Variants in PAG1 observed in about 807,000 individuals in gnomAD.
PAG1 encodes phosphoprotein membrane anchor with glycosphingolipid microdomains 1, also known as phosphoprotein associated with glycosphingolipid-enriched microdomains 1.
Under a neutral mutation model 31.7 loss-of-function variants are expected in PAG1, and 23 were observed. The ratio of observed to expected loss-of-function variants is 0.73; its 90% CI spans 0.52 to 1.03. The LOEUF (loss-of-function observed/expected upper bound fraction) is 1.03. PAG1 is among the 50% of genes least tolerant of loss of function. The probability of loss-of-function intolerance (pLI) is 0.00; values close to 1 mark genes in which losing one functional copy is unlikely to be tolerated. For missense variants in PAG1, 473 were observed against 540.7 expected, an observed-to-expected ratio of 0.87 and a Z score of 1.24; for synonymous variants, 214 against 210.3, an observed-to-expected ratio of 1.02 and a Z score of -0.15.
intron 1 of PAG1, among the ~76,000 whole-genome samples, chr8:81,075,261 T>C (rs1391949972): frequency 3.3e-5 from 5 of 152,248 alleles, no homozygotes; most frequent in African/African-American, 1.2e-4. Context: ...TTTTGTATCT[T>C]CTAGTATGAG....
chr8:81,010,067 T>C (rs1172523931), intron 3 of PAG1, among the ~76,000 whole-genome samples: 1 of 152,230 alleles, frequency 6.6e-6, no homozygotes, highest in Non-Finnish European at 1.5e-5. Flanking sequence ...AGACTATTCA[T>C]TCATATTTCT....
intron 3 of PAG1, among the ~76,000 whole-genome samples, chr8:81,004,539 T>C (rs1807842491): frequency 6.6e-6 from 1 of 152,182 alleles, no homozygotes; most frequent in Non-Finnish European, 1.5e-5. Context: ...CACTATAAAC[T>C]TTGCAAGAGG....
At chr8:81,043,269 A>G (rs1808585838) in intron 2 of PAG1, among the ~76,000 whole-genome samples, 1 of 152,196 alleles carries the variant, frequency 6.6e-6, no homozygotes, top group Non-Finnish European at 1.5e-5. Flanking sequence ...ATGCTTACTG[A>G]AAAAGTTCAC....
chr8:81,066,714 A>G lies in PAG1; in HGVS notation c.-175+3398T>C, dbSNP rs1586199293. Among the ~76,000 whole-genome samples the G allele has an allele frequency of 3.9e-5, 6 of 152,334 alleles. No individual in the cohort carries two copies. The Middle Eastern group carries it at 0.02, about 518-fold the overall frequency. ...TTTCCTCTTAAAAGTAGCTTAGTTG[A>G]TATTTCAAAAGAGGAAAGAGAAAGG... On this transcript the variant is annotated intron_variant, in intron 2 of 8. Transcript: ENST00000220597.
chr8:81,034,764 A>G (rs1452844620), intron 2 of PAG1, among the ~76,000 whole-genome samples: 3 of 152,204 alleles, frequency 2.0e-5, no homozygotes, highest in Non-Finnish European at 4.4e-5. Context: ...ACTGGAAGAC[A>G]CCTATTTAAA....
At chr8:81,022,683 T>G (rs1808210519) in intron 3 of PAG1, among the ~76,000 whole-genome samples, 1 of 152,174 alleles carries the variant, frequency 6.6e-6, no homozygotes, top group African/African-American at 2.4e-5. Flanking sequence ...TCTATGTATA[T>G]CTTCAATAAA....
At chr8:80,980,613 C>T (rs1312538786) in intron 7 of PAG1, 119 bp from the exon 8 acceptor site, 35 of 662,920 alleles carry the variant, frequency 5.3e-5, no homozygotes, top group East Asian at 3.1e-4. Context: ...TATGGAACCA[C>T]GAAGAAATTA....
At chr8:81,057,920 A>T (rs1808854474) in intron 2 of PAG1, among the ~76,000 whole-genome samples, 1 of 152,210 alleles carries the variant, frequency 6.6e-6, no homozygotes, top group African/African-American at 2.4e-5. Flanking sequence ...TTACATATCA[A>T]TAACAAAAGC....
chr8:81,061,798 AGCCATG>A (rs1157739609), intron 2 of PAG1, among the ~76,000 whole-genome samples: 2 of 152,186 alleles, frequency 1.3e-5, no homozygotes, highest in Non-Finnish European at 2.9e-5. Flanking sequence ...GGGTTTCCTG[AGCCATG>A]GATGCTTGGG....
intron 3 of PAG1, among the ~76,000 whole-genome samples, chr8:81,025,045 T>TTTTA (rs1251355552): frequency 6.6e-6 from 1 of 152,218 alleles, no homozygotes; most frequent in African/African-American, 2.4e-5. Context: ...TTTCAGGCTC[T>TTTTA]AAGGTCCCAA....
At chr8:81,044,261 G>A (rs1342060904) in intron 2 of PAG1, among the ~76,000 whole-genome samples, 2 of 152,186 alleles carry the variant, frequency 1.3e-5, no homozygotes, top group East Asian at 3.8e-4. Context: ...GGTCTTTACA[G>A]AGGTAATCAA....
chr8:81,060,370 G>A (rs1808898528), intron 2 of PAG1, among the ~76,000 whole-genome samples: 1 of 152,188 alleles, frequency 6.6e-6, no homozygotes. Context: ...AAGTCAAAGA[G>A]CAGAGCAGCC....
intron 2 of PAG1, chr8:81,067,453 T>C (rs1009816431): frequency 1.3e-5 from 2 of 152,250 alleles, no homozygotes; most frequent in Non-Finnish European, 2.9e-5. Context: ...CTAAGATTTA[T>C]ACTGTAACAT....
rs1051988190 is a variant in PAG1 at position 81,111,396 on chromosome 8, G to A, written c.-234+195C>T. On this transcript the variant is annotated intron_variant, in intron 1 of 8. Coordinates refer to ENST00000220597, the MANE Select transcript of PAG1 (RefSeq NM_018440.4). ...CAGCATATTTCCAACTGGCACATTC[G>A]TGAGATGCTGAGGTCAGCCAGCCCT... Among the ~76,000 whole-genome samples, 3 of 152,252 alleles carry A rather than the reference G, an allele frequency of 2.0e-5. 1 individual carries two copies. Among genetic ancestry groups the A allele is most frequent in the Admixed American group, 6.5e-5 (1 of 15,304 alleles).
intron 8 of PAG1, among the ~76,000 whole-genome samples, chr8:80,979,562 T>C (rs1807255921): frequency 6.6e-6 from 1 of 152,188 alleles, no homozygotes; most frequent in Non-Finnish European, 1.5e-5. Context: ...GGGTGGGCAA[T>C]ATCACCTAGG....
At chr8:81,016,344 C>G (rs1197984042) in intron 3 of PAG1, among the ~76,000 whole-genome samples, 3 of 152,120 alleles carry the variant, frequency 2.0e-5, no homozygotes, top group Non-Finnish European at 2.9e-5. Context: ...AATGGTAAGG[C>G]TATCAGGTTA....
chr8:81,029,861 C>T (rs1279447129), intron 3 of PAG1, 135 bp downstream of exon 3: 2 of 152,236 alleles, frequency 1.3e-5, no homozygotes, highest in Admixed American at 1.3e-4. Context: ...TTTCTTCTCT[C>T]TCTCTCCCTC....
chr8:80,979,055 C>G (rs139060860), intron 8 of PAG1, among the ~76,000 whole-genome samples: 1 of 152,282 alleles, frequency 6.6e-6, no homozygotes, highest in East Asian at 1.9e-4. Flanking sequence ...CATTAAATTA[C>G]ATAAATACAA....
intron 3 of PAG1, among the ~76,000 whole-genome samples, chr8:80,994,735 G>A (rs1001089285): frequency 6.6e-6 from 1 of 152,174 alleles, no homozygotes; most frequent in East Asian, 1.9e-4. Context: ...AATATTTTAA[G>A]AGCTACAGAT....
Sources: gnomAD v4.1 joint callset for allele counts (sites outside exome capture counted in the v4.1 genomes callset) on GRCh38, gnomAD v4.1.1 for gene constraint, MANE v1.5 for transcripts, NCBI Gene and HGNC (gene_info 2026-07-23, HGNC 2026-07-21) for gene names.